The following KLHDC4 variants were observed in gnomAD, a reference collection of about 807,000 sequenced individuals.
The protein encoded by KLHDC4 is kelch domain-containing protein 4.
Under a neutral mutation model 62.4 loss-of-function variants are expected in KLHDC4, and 90 were observed. That is an observed-to-expected ratio of 1.44 (90% CI 1.22 to 1.72). The LOEUF is 1.72. Ranked by LOEUF, KLHDC4 falls within the 40% of genes most tolerant of loss-of-function variation. KLHDC4 has a pLI of 0.00. For missense variants in KLHDC4, 1,025 were observed against 699.7 expected, an observed-to-expected ratio of 1.47 and a Z score of -5.25; for synonymous variants, 386 against 284.4, an observed-to-expected ratio of 1.36 and a Z score of -3.59.
intron 8 of KLHDC4, 79 bp from the exon 9 acceptor site, chr16:87,711,522 C>G: frequency 2.4e-6 from 3 of 1,239,954 alleles, no homozygotes; most frequent in Non-Finnish European, 3.3e-6. Flanking sequence ...GCTCAGGACC[C>G]CAGGTGCCCC....
chr16:87,749,497 T>C (rs1194662294), intron 4 of KLHDC4, among the ~76,000 whole-genome samples: 1 of 141,760 alleles, frequency 7.1e-6, no homozygotes, highest in Non-Finnish European at 1.5e-5. Flanking sequence ...GAGGGTGCAG[T>C]GAGCCAAGAC....
intron 5 of KLHDC4, among the ~76,000 whole-genome samples, chr16:87,742,571 G>T (rs142554902): frequency 1.3e-5 from 2 of 152,166 alleles, no homozygotes; most frequent in African/African-American, 2.4e-5. Flanking sequence ...GTCCACAGCT[G>T]TCAGGATAGG....
intron 11 of KLHDC4, 93 bp downstream of exon 11, chr16:87,708,257 A>G (rs915727624): frequency 5.6e-6 from 5 of 896,262 alleles, no homozygotes; most frequent in African/African-American, 1.7e-5. Flanking sequence ...TAAAAAATTT[A>G]CAAAGCTGAA....
At chr16:87,712,475 C>G (rs916271498) in intron 8 of KLHDC4, among the ~76,000 whole-genome samples, 3 of 152,258 alleles carry the variant, frequency 2.0e-5, no homozygotes, top group African/African-American at 7.2e-5. Context: ...AACCCACACA[C>G]ACAAGGTGTG....
chr16:87,727,043 A>G, intron 6 of KLHDC4, 119 bp from the exon 7 acceptor site: 1 of 1,043,202 alleles, frequency 9.6e-7, no homozygotes, highest in Non-Finnish European at 1.4e-6. Flanking sequence ...AACTCAAACC[A>G]TTTTTCTCCT....
intron 10 of KLHDC4, 98 bp from the exon 11 acceptor site, chr16:87,708,564 T>G (rs1302271586): frequency 1.3e-6 from 1 of 763,186 alleles, no homozygotes; most frequent in South Asian, 3.0e-5. Context: ...GGGATTCCAT[T>G]TTCTTAAGAA....
At chr16:87,734,515 A>C (rs936285056) in intron 5 of KLHDC4, among the ~76,000 whole-genome samples, 1 of 152,180 alleles carries the variant, frequency 6.6e-6, no homozygotes, top group Admixed American at 6.5e-5. Flanking sequence ...TCACTGCTCA[A>C]ACGCGGGATC....
intron 5 of KLHDC4, among the ~76,000 whole-genome samples, chr16:87,733,563 C>A (rs1313331400): frequency 6.6e-6 from 1 of 152,024 alleles, no homozygotes; most frequent in Non-Finnish European, 1.5e-5. Flanking sequence ...GCAGCCACTC[C>A]CTGGGATCCT....
chr16:87,732,342 T>G (rs1438833748), intron 5 of KLHDC4, among the ~76,000 whole-genome samples: 1 of 152,106 alleles, frequency 6.6e-6, no homozygotes, highest in Non-Finnish European at 1.5e-5. Flanking sequence ...GTGATTTGCC[T>G]GCCTCGGCCT....
chr16:87,725,285 A>C (rs1208847210), intron 7 of KLHDC4, among the ~76,000 whole-genome samples: 1 of 152,176 alleles, frequency 6.6e-6, no homozygotes, highest in East Asian at 1.9e-4. Flanking sequence ...TCAATGACGC[A>C]TAGGAAATTA....
intron 1 of KLHDC4, chr16:87,765,243 G>T (rs1324290667): frequency 2.2e-6 from 1 of 456,066 alleles, no homozygotes; most frequent in South Asian, 1.5e-5. Context: ...CGTGATGGCC[G>T]CCATCAGCTG....
intron 8 of KLHDC4, among the ~76,000 whole-genome samples, chr16:87,713,034 T>C (rs943604118): frequency 6.6e-6 from 1 of 152,232 alleles, no homozygotes; most frequent in African/African-American, 2.4e-5. Context: ...CTCCTTCTAT[T>C]TATTTTTTAT....
At chr16:87,728,956 TA>T (rs1217048076) in intron 6 of KLHDC4, among the ~76,000 whole-genome samples, 7 of 152,172 alleles carry the variant, frequency 4.6e-5, no homozygotes, top group Admixed American at 3.3e-4. Context: ...TTGTATTTTT[TA>T]GTAGAGATGA....
chr16:87,699,859 C>T (rs1283390166), exon 1 of KLHDC4: 1 of 152,272 alleles, frequency 6.6e-6, no homozygotes, highest in African/African-American at 2.4e-5. Flanking sequence ...AGCACATGGC[C>T]ACCGCGTCTC....
intron 7 of KLHDC4, 97 bp from the exon 8 acceptor site, chr16:87,714,670 G>T: frequency 7.7e-7 from 1 of 1,296,646 alleles, no homozygotes; most frequent in Non-Finnish European, 1.1e-6. Flanking sequence ...GGAAGGGGCT[G>T]GAGGCCTTCC....
intron 4 of KLHDC4, among the ~76,000 whole-genome samples, chr16:87,753,496 G>A (rs893083115): frequency 5.3e-5 from 8 of 152,124 alleles, no homozygotes; most frequent in Admixed American, 5.2e-4. Flanking sequence ...CTGTTTGATA[G>A]GTGAAAAAAT....
intron 5 of KLHDC4, among the ~76,000 whole-genome samples, chr16:87,741,913 G>A (rs75954203): frequency 6.6e-6 from 1 of 152,176 alleles, no homozygotes; most frequent in Non-Finnish European, 1.5e-5. Flanking sequence ...GCTGCGTCAT[G>A]GTAGCAACGC....
chr16:87,730,440 T>C (rs1221910187), intron 6 of KLHDC4, 112 bp downstream of exon 6: 8 of 898,584 alleles, frequency 8.9e-6, no homozygotes, highest in Non-Finnish European at 1.4e-5. Context: ...CTCATGAAGC[T>C]GGATTTGGGA....
intron 9 of KLHDC4, 152 bp from the exon 10 acceptor site, chr16:87,709,819 G>T: frequency 1.1e-6 from 1 of 881,172 alleles, no homozygotes; most frequent in Non-Finnish European, 1.7e-6. Flanking sequence ...GACTGCCCTG[G>T]GTGCAGGCAC....
Sources: gnomAD v4.1 joint callset for allele counts (sites outside exome capture counted in the v4.1 genomes callset) on GRCh38, gnomAD v4.1.1 for gene constraint, MANE v1.5 for transcripts, NCBI Gene and HGNC (gene_info 2026-07-23, HGNC 2026-07-21) for gene names.